Variants in FSTL5 observed in about 807,000 individuals in gnomAD.
FSTL5 encodes the protein follistatin-related protein 5.
A neutral mutation model predicts 89.1 loss-of-function variants in FSTL5; 62 were observed. The ratio of observed to expected loss-of-function variants is 0.70; its 90% CI spans 0.57 to 0.86. The LOEUF (loss-of-function observed/expected upper bound fraction) is 0.86. Ranked by LOEUF, FSTL5 falls within the 40% of genes least tolerant of loss-of-function variation. The pLI is 0.00. For synonymous variants in FSTL5, 383 were observed against 346.2 expected (o/e 1.11, Z -1.18); for missense variants, 1,057 against 1,001.6 (o/e 1.06, Z -0.75).
chr4:161,885,065 A>C (rs1732763630), intron 4 of FSTL5, among the ~76,000 whole-genome samples: 1 of 152,176 alleles, frequency 6.6e-6, no homozygotes, highest in Non-Finnish European at 1.5e-5. Flanking sequence ...TCAAAGTAAA[A>C]AGATAGATAT....
At chr4:161,493,608 G>C (rs1729959379) in intron 12 of FSTL5, among the ~76,000 whole-genome samples, 1 of 151,716 alleles carries the variant, frequency 6.6e-6, no homozygotes, top group African/African-American at 2.4e-5. Context: ...AAAATGTTTT[G>C]ATGTTTAAAT....
chr4:162,142,946 ACTAGGCTCTCAAG>A (rs1370008778), intron 1 of FSTL5, among the ~76,000 whole-genome samples: 1 of 152,186 alleles, frequency 6.6e-6, no homozygotes, highest in Non-Finnish European at 1.5e-5. Context: ...TTTGACACAC[ACTAGGCTCTCAAG>A]TAATGACAAC....
At chr4:161,861,893 C>A (rs575940509) in intron 4 of FSTL5, among the ~76,000 whole-genome samples, 2 of 152,148 alleles carry the variant, frequency 1.3e-5, no homozygotes, top group Non-Finnish European at 2.9e-5. Context: ...TCCCTTGATG[C>A]AAATTTAGTT....
At chr4:161,531,858 T>C (rs916685990) in intron 10 of FSTL5, among the ~76,000 whole-genome samples, 17 of 152,108 alleles carry the variant, frequency 1.1e-4, no homozygotes, top group Non-Finnish European at 2.9e-5. Flanking sequence ...AATTATTGGG[T>C]TTTCTAGGCT....
chr4:161,561,812 T>G (rs1442912866), intron 8 of FSTL5, among the ~76,000 whole-genome samples: 1 of 152,046 alleles, frequency 6.6e-6, no homozygotes, highest in Non-Finnish European at 1.5e-5. Flanking sequence ...TTTAATTTTG[T>G]TCAAAGTTTG....
chr4:161,386,265 G>C lies in FSTL5; in HGVS notation c.2026C>G (p.Gln676Glu). ...KPDSTGAVSP[Q>E]VMVDGVTDSV... ...TCAGTTACACCGTCCACCATGACCT[G>C]TGGGGAAACTGCTCCGGTGCTGTCA... is the stretch of plus-strand genomic sequence containing the variant. Residue 676 changes from glutamine to glutamate, a missense_variant, in exon 16 of 16, where the codon CAG becomes GAG. Physicochemically the swap from Gln to Glu is conservative, Grantham distance 29 (BLOSUM62 2). Coordinates refer to ENST00000306100, the MANE Select transcript of FSTL5 (RefSeq NM_020116.5). 6.2e-7 allele frequency: 1 copy of C among 1,613,974 alleles called. No homozygotes were observed. The highest frequency in any genetic ancestry group is 2.2e-5 in the East Asian group (1 of 44,856).
At chr4:162,157,158 G>T (rs1009004353) in intron 1 of FSTL5, among the ~76,000 whole-genome samples, 1 of 152,114 alleles carries the variant, frequency 6.6e-6, no homozygotes, top group Non-Finnish European at 1.5e-5. Flanking sequence ...GAAAAATAGA[G>T]AATAGGGAAT....
chr4:161,650,003 T>C (rs1468865317), intron 7 of FSTL5, among the ~76,000 whole-genome samples: 1 of 152,202 alleles, frequency 6.6e-6, no homozygotes, highest in East Asian at 1.9e-4. Context: ...TTGAGATCCA[T>C]GTGCTTTATG....
intron 15 of FSTL5, among the ~76,000 whole-genome samples, chr4:161,395,518 C>G (rs1386100820): frequency 2.0e-5 from 3 of 151,960 alleles, no homozygotes; most frequent in Non-Finnish European, 4.4e-5. Flanking sequence ...ATTTAATATA[C>G]TCTTTCAAAA....
chr4:161,575,253 CAGATAAGA>C (rs1291923906), intron 8 of FSTL5, among the ~76,000 whole-genome samples: 1 of 151,918 alleles, frequency 6.6e-6, no homozygotes, highest in Non-Finnish European at 1.5e-5. Context: ...AGACCTTTGT[CAGATAAGA>C]AGATTGCAAA....
chr4:161,695,035 GTTTTTA>G (rs535516442), intron 6 of FSTL5, among the ~76,000 whole-genome samples: 117 of 151,702 alleles, frequency 7.7e-4, no homozygotes, highest in African/African-American at 2.8e-3. Flanking sequence ...TTAATCATCT[GTTTTTA>G]TTTTTATTTT....
At chr4:161,633,789 A>AAAAACAC (rs1735585913) in intron 7 of FSTL5, among the ~76,000 whole-genome samples, 1 of 152,210 alleles carries the variant, frequency 6.6e-6, no homozygotes, top group Non-Finnish European at 1.5e-5. Flanking sequence ...AAGCAAATAT[A>AAAAACAC]AAATGAGCAT....
chr4:162,048,955 T>C (rs1738293919), intron 2 of FSTL5, among the ~76,000 whole-genome samples: 1 of 152,132 alleles, frequency 6.6e-6, no homozygotes, highest in South Asian at 2.1e-4. Flanking sequence ...CAGTGCAACT[T>C]GAAGTTTTGG....
chr4:161,615,857 A>T (rs1432502533), intron 7 of FSTL5, among the ~76,000 whole-genome samples: 1 of 152,124 alleles, frequency 6.6e-6, no homozygotes, highest in East Asian at 1.9e-4. Context: ...AATATTTTCT[A>T]AAAAATATAA....
intron 4 of FSTL5, among the ~76,000 whole-genome samples, chr4:161,889,505 G>A (rs929823174): frequency 6.6e-6 from 1 of 152,114 alleles, no homozygotes; most frequent in Non-Finnish European, 1.5e-5. Flanking sequence ...TTTGCTAGGT[G>A]TGGCAGTGCA....
intron 8 of FSTL5, among the ~76,000 whole-genome samples, chr4:161,555,009 A>G (rs1213363992): frequency 1.3e-5 from 2 of 151,632 alleles, no homozygotes; most frequent in Non-Finnish European, 1.5e-5. Context: ...TGACTTTCAC[A>G]CTGCCTCTTG....
At chr4:161,600,365 G>A (rs910083506) in intron 7 of FSTL5, among the ~76,000 whole-genome samples, 1 of 152,066 alleles carries the variant, frequency 6.6e-6, no homozygotes, top group African/African-American at 2.4e-5. Context: ...GTGTAATGAA[G>A]AGAAGCCTAC....
intron 8 of FSTL5, among the ~76,000 whole-genome samples, chr4:161,579,665 C>T (rs1483435562): frequency 1.4e-5 from 2 of 144,222 alleles, no homozygotes; most frequent in African/African-American, 5.2e-5. Context: ...TGCAGTGAGC[C>T]AAGATCGTGC....
intron 7 of FSTL5, among the ~76,000 whole-genome samples, chr4:161,604,446 A>G (rs1258233441): frequency 1.3e-5 from 2 of 152,204 alleles, no homozygotes; most frequent in Non-Finnish European, 2.9e-5. Context: ...GGAAAGTTAT[A>G]TACTAAAGAG....
Sources: allele counts gnomAD v4.1 joint callset (sites outside exome capture counted in the v4.1 genomes callset), GRCh38; gene constraint gnomAD v4.1.1; transcripts MANE v1.5; gene names NCBI Gene and HGNC (gene_info 2026-07-23, HGNC 2026-07-21).